The following TRIQK variants were observed in gnomAD, a reference collection of about 807,000 sequenced individuals.
The protein encoded by TRIQK is triple QxxK/R motif containing.
A neutral mutation model predicts 10.8 loss-of-function variants in TRIQK; 10 were observed. That is an observed-to-expected ratio of 0.92 (90% confidence interval 0.57 to 1.57). The LOEUF (loss-of-function observed/expected upper bound fraction) is 1.57, where lower values mean the gene tolerates loss of function less well. TRIQK is among the 40% of genes most tolerant of loss of function. The pLI is 0.00. For synonymous variants in TRIQK, 33 were observed against 33.7 expected (o/e 0.98, Z 0.07); for missense variants, 107 against 97.7 (o/e 1.09, Z -0.40).
At chr8:92,918,831 T>A (rs1318131519) in intron 2 of TRIQK, among the ~76,000 whole-genome samples, 1 of 151,758 alleles carries the variant, frequency 6.6e-6, no homozygotes, top group Non-Finnish European at 1.5e-5. Context: ...CCAATGTTTT[T>A]TTCCAGTCAT....
Position 92,886,582 on chromosome 8 carries a change from C to A in TRIQK, c.*40G>T. ...AAGTTTTGGTCCCAAAAGGTGCTTTCGTAAAGTTATTTCTCTTTCATGCAT... is the reference window on the plus strand; with the variant it reads ...AAGTTTTGGTCCCAAAAGGTGCTTTAGTAAAGTTATTTCTCTTTCATGCAT... On this transcript the variant is annotated 3_prime_UTR_variant, in exon 5 of 5. Coordinates refer to ENST00000521988, the MANE Select transcript of TRIQK (RefSeq NM_001171797.2). 7.5e-7 allele frequency: 1 copy of A among 1,325,000 alleles called. No individual in the cohort carries two copies. Among genetic ancestry groups the A allele is most frequent in the Non-Finnish European group, 1.0e-6 (1 of 983,256 alleles). The allele number at this position is 1,325,000 out of a possible 1,614,324, so 82.1% of individuals were successfully genotyped here.
chr8:93,005,278 G>A (rs1312777719), intron 1 of TRIQK, among the ~76,000 whole-genome samples: 3 of 152,184 alleles, frequency 2.0e-5, no homozygotes, highest in African/African-American at 7.2e-5. Flanking sequence ...TGGGTGGCAG[G>A]AGAAAGAGAT....
intron 1 of TRIQK, among the ~76,000 whole-genome samples, chr8:92,958,677 GA>G (rs1812296120): frequency 6.6e-6 from 1 of 151,968 alleles, no homozygotes; most frequent in Non-Finnish European, 1.5e-5. Context: ...GTCAAACACT[GA>G]AGGGCAAAAA....
intron 1 of TRIQK, among the ~76,000 whole-genome samples, chr8:93,011,538 C>A (rs1813335083): frequency 2.0e-5 from 3 of 152,018 alleles, no homozygotes. Context: ...AAAGAAATAT[C>A]ATCAAAGAAC....
chr8:93,006,738 T>C (rs377019584), intron 1 of TRIQK, among the ~76,000 whole-genome samples: 4 of 152,154 alleles, frequency 2.6e-5, no homozygotes, highest in East Asian at 1.9e-4. Flanking sequence ...CTGTGGCCCA[T>C]CTTGGCCAGA....
chr8:93,013,167 G>A (rs559380171), intron 1 of TRIQK, among the ~76,000 whole-genome samples: 3 of 152,082 alleles, frequency 2.0e-5, no homozygotes, highest in Non-Finnish European at 2.9e-5. Flanking sequence ...TAGACGAGAC[G>A]GCAATGCACA....
chr8:92,923,842 T>C (rs1398499674), intron 2 of TRIQK, among the ~76,000 whole-genome samples: 1 of 151,974 alleles, frequency 6.6e-6, no homozygotes, highest in East Asian at 1.9e-4. Context: ...TTATATTCAA[T>C]CACCTTCCGA....
chr8:93,010,989 C>T (rs1813326107), intron 1 of TRIQK, among the ~76,000 whole-genome samples: 1 of 152,034 alleles, frequency 6.6e-6, no homozygotes, highest in East Asian at 1.9e-4. Flanking sequence ...ATTCCACACG[C>T]ACTTTGAAGC....
chr8:93,009,213 A>G (rs1813303907), intron 1 of TRIQK, among the ~76,000 whole-genome samples: 1 of 152,244 alleles, frequency 6.6e-6, no homozygotes, highest in African/African-American at 2.4e-5. Flanking sequence ...CAAATGGACA[A>G]CAGGTACATG....
intron 3 of TRIQK, among the ~76,000 whole-genome samples, chr8:92,902,730 TTTAA>T (rs1225184836): frequency 2.6e-5 from 4 of 152,178 alleles, no homozygotes; most frequent in African/African-American, 7.2e-5. Flanking sequence ...AAATCTGTCC[TTTAA>T]TTAGTATGTT....
chr8:92,957,275 TATGC>T (rs1470143757), intron 1 of TRIQK, among the ~76,000 whole-genome samples: 1 of 151,760 alleles, frequency 6.6e-6, no homozygotes, highest in Admixed American at 6.6e-5. Flanking sequence ...TAAATATACA[TATGC>T]ATGTATGTAT....
intron 1 of TRIQK, among the ~76,000 whole-genome samples, chr8:92,959,423 G>C (rs868370785): frequency 1.4e-5 from 2 of 147,886 alleles, no homozygotes; most frequent in African/African-American, 2.5e-5. Flanking sequence ...TCAATTTTTA[G>C]CTATATTTAA....
intron 3 of TRIQK, among the ~76,000 whole-genome samples, chr8:92,911,883 A>T (rs1164670087): frequency 6.9e-6 from 1 of 144,886 alleles, no homozygotes; most frequent in Non-Finnish European, 1.5e-5. Flanking sequence ...GTACATATAT[A>T]TGTATATGTG....
At chr8:92,945,078 T>C (rs765265953) in intron 2 of TRIQK, among the ~76,000 whole-genome samples, 6 of 152,200 alleles carry the variant, frequency 3.9e-5, no homozygotes, top group Non-Finnish European at 8.8e-5. Context: ...TTACATATGA[T>C]AAATAATTTT....
chr8:92,895,880 G>A (rs1808565484), intron 3 of TRIQK, among the ~76,000 whole-genome samples: 1 of 152,056 alleles, frequency 6.6e-6, no homozygotes. Flanking sequence ...AGAGAAACAG[G>A]AGGAAAAGAT....
chr8:92,888,281 C>A (rs1816587757), intron 4 of TRIQK, among the ~76,000 whole-genome samples: 1 of 151,578 alleles, frequency 6.6e-6, no homozygotes. Flanking sequence ...TATTGATAAT[C>A]AGTTCTAATT....
chr8:92,922,650 C>A (rs1182076983), intron 2 of TRIQK: 2 of 151,468 alleles, frequency 1.3e-5, no homozygotes, highest in Non-Finnish European at 3.0e-5. Flanking sequence ...ATATTTTTAC[C>A]AAAGTAGCTG....
chr8:92,940,997 T>C (rs1424032212), intron 2 of TRIQK: 3 of 152,232 alleles, frequency 2.0e-5, no homozygotes. Flanking sequence ...TACAAATACA[T>C]AGAAATTGAA....
intron 1 of TRIQK, among the ~76,000 whole-genome samples, chr8:92,991,365 G>A (rs1813095036): frequency 6.6e-6 from 1 of 152,246 alleles, no homozygotes; most frequent in Non-Finnish European, 1.5e-5. Flanking sequence ...CAGCTCTGAA[G>A]AGAGCAGTGG....
Sources: allele counts gnomAD v4.1 joint callset (sites outside exome capture counted in the v4.1 genomes callset), GRCh38; gene constraint gnomAD v4.1.1; transcripts MANE v1.5; gene names NCBI Gene and HGNC (gene_info 2026-07-23, HGNC 2026-07-21).